C8A: variants seen among roughly 807,000 people sequenced by gnomAD.
C8A encodes the protein complement C8 alpha chain.
Under a neutral mutation model 65.3 loss-of-function variants are expected in C8A, and 67 were observed. The observed-to-expected ratio is 1.03, with a 90% confidence interval of 0.84 to 1.26. The LOEUF (loss-of-function observed/expected upper bound fraction) is 1.26. Among genes scored for constraint, C8A ranks in the 50% most tolerant of loss-of-function variants. The probability of loss-of-function intolerance (pLI) is 0.00; values close to 1 mark genes in which losing one functional copy is unlikely to be tolerated. For missense variants in C8A, 781 were observed against 723.9 expected (o/e 1.08, Z -0.90); for synonymous variants, 290 against 259.4 (o/e 1.12, Z -1.13).
chr1:56,863,282 A>G (rs1422655750), intron 1 of C8A, among the ~76,000 whole-genome samples: 1 of 152,216 alleles, frequency 6.6e-6, no homozygotes, highest in Non-Finnish European at 1.5e-5. Context: ...GAATAATAAA[A>G]TGTTGGTCAC....
At chr1:56,903,690 C>CCTG (rs1644443384) in intron 7 of C8A, among the ~76,000 whole-genome samples, 1 of 152,194 alleles carries the variant, frequency 6.6e-6, no homozygotes, top group Admixed American at 6.5e-5. Flanking sequence ...ATGCCAGAGT[C>CCTG]CTGTGGCAAG....
In C8A at chr1:56,901,885, CTTG is replaced by C. The variant is rs572272180; in HGVS notation, c.1097-4780_1097-4778del. Among the ~76,000 whole-genome samples, 895 of 152,216 alleles carry C rather than the reference CTTG, an allele frequency of 5.9e-3. 8 individuals carry two copies. The highest frequency in any genetic ancestry group is 8.1e-3 in the Non-Finnish European group (551 of 68,004). On this transcript the variant is annotated intron_variant, in intron 7 of 10. Transcript: ENST00000361249. ...GCACACTACAATAATTATCTGTTTC[CTTG>C]TCCATTTCCCCACACTTGACTCTCA...
Position 56,876,309 on chromosome 1 carries a change from C to T in C8A, c.464+100C>T. On this transcript the variant is annotated intron_variant, in intron 4 of 10. Coordinates refer to ENST00000361249, the MANE Select transcript of C8A (RefSeq NM_000562.3). ...AGAAGGGGGCCATTTTGGAGGGTTCCTCTGGAGTGCATGCTGTGAGCTGCT... is the reference window on the plus strand; with the variant it reads ...AGAAGGGGGCCATTTTGGAGGGTTCTTCTGGAGTGCATGCTGTGAGCTGCT... The T allele has an allele frequency of 3.6e-6, 5 of 1,395,574 alleles. No homozygotes were observed. In the East Asian group the frequency reaches 9.2e-5, roughly 26 times the overall value. The allele number at this position is 1,395,574 out of a possible 1,614,324, so 86.4% of individuals were successfully genotyped here.
chr1:56,906,651 T>G lies in C8A; in HGVS notation c.1097-16T>G. ...AATAACTCAGCATTTTGTGTTTCTC[T>G]GTCTCCCTGTTGCAGGTATTACCAG... On this transcript the variant is annotated splice_polypyrimidine_tract_variant and intron_variant, in intron 7 of 10. Coordinates refer to ENST00000361249, the MANE Select transcript of C8A (RefSeq NM_000562.3). The G allele has an allele frequency of 6.2e-7, 1 of 1,614,030 alleles. No homozygotes were observed. The highest frequency in any genetic ancestry group is 8.5e-7 in the Non-Finnish European group (1 of 1,179,872).
intron 5 of C8A, among the ~76,000 whole-genome samples, chr1:56,882,238 C>T (rs887729978): frequency 6.6e-6 from 1 of 152,092 alleles, no homozygotes; most frequent in Non-Finnish European, 1.5e-5. Flanking sequence ...CAGTCAAGGG[C>T]CTACTCATGG....
At chr1:56,912,324 A>T in intron 9 of C8A, 79 bp from the exon 10 acceptor site, 1 of 1,363,488 alleles carries the variant, frequency 7.3e-7, no homozygotes, top group Admixed American at 1.8e-5. Flanking sequence ...GCCTTCCAGA[A>T]GCTTGGTGGC....
intron 2 of C8A, among the ~76,000 whole-genome samples, chr1:56,872,555 A>G (rs1644156415): frequency 6.6e-6 from 1 of 152,168 alleles, no homozygotes; most frequent in Non-Finnish European, 1.5e-5. Flanking sequence ...ATTGTGGGAA[A>G]AAGGGTGAAC....
chr1:56,883,710 A>G (rs1298108789), intron 6 of C8A, 29 bp downstream of exon 6: 6 of 1,570,498 alleles, frequency 3.8e-6, no homozygotes, highest in African/African-American at 1.3e-5. Flanking sequence ...TGTGTCTCAC[A>G]GTATTCCATA....
rs904278674 is a variant in C8A, at chr1:56,865,726, T to C, written c.78-1883T>C. On this transcript the variant is annotated intron_variant, in intron 1 of 10. Coordinates refer to ENST00000361249, the MANE Select transcript of C8A (RefSeq NM_000562.3). Reference sequence around the variant, plus strand: ...TTTCAAGGAAAACAAATAACATTACTTGTTACTAATGACAAGATTTGAGCT... The same window carrying C: ...TTTCAAGGAAAACAAATAACATTACCTGTTACTAATGACAAGATTTGAGCT... Among the ~76,000 whole-genome samples the C allele has an allele frequency of 5.9e-5, 9 of 152,318 alleles. No homozygotes were observed. In the South Asian group the frequency reaches 1.7e-3, roughly 28 times the overall value.
chr1:56,917,299 C>A (rs1002708224), intron 10 of C8A, among the ~76,000 whole-genome samples: 1 of 152,222 alleles, frequency 6.6e-6, no homozygotes, highest in African/African-American at 2.4e-5. Flanking sequence ...CTGCAACTCC[C>A]TGGACAGAGC....
At chr1:56,906,975 T>A (rs1644471404) in intron 8 of C8A, among the ~76,000 whole-genome samples, 183 bp downstream of exon 8, 1 of 152,182 alleles carries the variant, frequency 6.6e-6, no homozygotes, top group Non-Finnish European at 1.5e-5. Context: ...TACCATGGGC[T>A]TAAAATCACC....
chr1:56,885,357 TG>T (rs1644284785), intron 6 of C8A, among the ~76,000 whole-genome samples: 3 of 84,510 alleles, frequency 3.5e-5, no homozygotes, highest in Non-Finnish European at 6.5e-5. Flanking sequence ...TATATATTTA[TG>T]TAAATATATA....
chr1:56,889,488 C>T (rs568774089), intron 7 of C8A, among the ~76,000 whole-genome samples: 1 of 152,128 alleles, frequency 6.6e-6, no homozygotes, highest in African/African-American at 2.4e-5. Flanking sequence ...CTCTTCCCCT[C>T]GGTCTCATTC....
intron 9 of C8A, among the ~76,000 whole-genome samples, chr1:56,908,826 A>G: frequency 6.6e-6 from 1 of 152,236 alleles, no homozygotes. Context: ...TGGACTTCGT[A>G]TCCAGTTCTC....
chr1:56,918,081 C>T lies in C8A; in HGVS notation c.*365C>T. 5.0e-6 allele frequency: 1 copy of T among 199,136 alleles called. No individual in the cohort carries two copies. Among genetic ancestry groups the T allele is most frequent in the South Asian group, 1.1e-4 (1 of 9,490 alleles). 12.3% of individuals were successfully genotyped at this position (199,136 alleles called of 1,614,324 possible). On this transcript the variant is annotated 3_prime_UTR_variant, in exon 11 of 11. Transcript: ENST00000361249. The stretch of plus-strand genomic sequence containing the variant: ...AAGCAGACACCTGAAACAATCAACG[C>T]CCAATAAAACAAAGTAGGATGAAAA...
At chr1:56,917,429 G>A in intron 10 of C8A, 136 bp from the exon 11 acceptor site, 3 of 819,106 alleles carry the variant, frequency 3.7e-6, no homozygotes, top group East Asian at 5.2e-5. Context: ...CCTCCAACAA[G>A]CTGCAGTCGA....
rs543816173 is a variant in C8A, at chr1:56,912,316, C to T, written c.1381-87C>T. 6.8e-5 allele frequency: 86 copies of T among 1,260,218 alleles called. No individual in the cohort carries two copies. The African/African-American group carries it at 1.0e-3, about 15-fold the overall frequency. 78.1% of individuals were successfully genotyped at this position (1,260,218 alleles called of 1,614,324 possible). Reference sequence around the variant, plus strand: ...TGTCTGTGCCTGGCATGTATCAGGCCTTCCAGAAGCTTGGTGGCCGGTTCT... The same window carrying T: ...TGTCTGTGCCTGGCATGTATCAGGCTTTCCAGAAGCTTGGTGGCCGGTTCT... On this transcript the variant is annotated intron_variant, in intron 9 of 10. Coordinates refer to ENST00000361249, the MANE Select transcript of C8A (RefSeq NM_000562.3).
intron 6 of C8A, among the ~76,000 whole-genome samples, chr1:56,885,432 A>G (rs1644289605): frequency 4.9e-5 from 6 of 123,402 alleles, no homozygotes; most frequent in Admixed American, 1.9e-4. Flanking sequence ...ATTTAAATAT[A>G]TATTTAAGTA....
rs114096844 is a variant in C8A, at chr1:56,880,400, G to A, written c.465-1045G>A. ...TAATATGTACTTTACTGCTGTTTTA[G>A]TTTCATACTCTCAGCATCACAAAAA... On this transcript the variant is annotated intron_variant, in intron 4 of 10. Transcript: ENST00000361249. Among the ~76,000 whole-genome samples the A allele has an allele frequency of 5.0e-3, 761 of 152,176 alleles. 6 individuals are homozygous for A. Among genetic ancestry groups the A allele is most frequent in the African/African-American group, 0.018 (742 of 41,508 alleles).
Sources: gnomAD v4.1 joint callset for allele counts (sites outside exome capture counted in the v4.1 genomes callset) on GRCh38, gnomAD v4.1.1 for gene constraint, MANE v1.5 for transcripts, NCBI Gene and HGNC (gene_info 2026-07-23, HGNC 2026-07-21) for gene names.